DACH2: variants seen among roughly 807,000 people sequenced by gnomAD.
DACH2 encodes the protein dachshund family transcription factor 2.
DACH2 carries 17 observed loss-of-function variants against 35.8 expected under a neutral mutation model. The observed-to-expected ratio is 0.48, with a 90% confidence interval of 0.33 to 0.71. DACH2 has a LOEUF of 0.71. DACH2 is among the 30% of genes least tolerant of loss of function. DACH2 has a pLI of 0.02. For synonymous variants in DACH2, 195 were observed against 177.3 expected, an observed-to-expected ratio of 1.10 and a Z score of -0.79; for missense variants, 469 against 472.7, an observed-to-expected ratio of 0.99 and a Z score of 0.07.
At chrX:86,441,936 T>G (rs1298405493) in intron 2 of DACH2, among the ~76,000 whole-genome samples, 1 of 108,026 alleles carries the variant, frequency 9.3e-6, no homozygotes, top group Non-Finnish European at 1.9e-5. Context: ...AGTCTAGAGT[T>G]CAGTGGTATG....
rs374110143 is a variant in DACH2, at chrX:86,318,969, A to G, written c.489-57855A>G. 2.9e-4 allele frequency among the ~76,000 whole-genome samples: 33 copies of G among 112,322 alleles called. No homozygotes were observed. In the East Asian group the frequency reaches 3.6e-3, roughly 12 times the overall value. ...AAGCATGTTCAAGAGAGGAAGTTAG[A>G]TTTTACCCTTGCATTAATTTGCTAT... is the stretch of plus-strand genomic sequence containing the variant. On this transcript the variant is annotated intron_variant, in intron 1 of 11. Coordinates refer to ENST00000373125, the MANE Select transcript of DACH2 (RefSeq NM_053281.3).
chrX:86,825,437 GAAGAAGAAAA>G (rs2042554911), intron 11 of DACH2, among the ~76,000 whole-genome samples: 1 of 110,588 alleles, frequency 9.0e-6, no homozygotes, highest in East Asian at 2.8e-4. Flanking sequence ...AAGGAAAAAA[GAAGAAGAAAA>G]AACATTTTGT....
intron 1 of DACH2, among the ~76,000 whole-genome samples, chrX:86,291,002 A>C (rs1253997516): frequency 9.3e-6 from 1 of 107,206 alleles, no homozygotes; most frequent in Non-Finnish European, 1.9e-5. Flanking sequence ...TGAATCTGTA[A>C]ATTACCTTGG....
At chrX:86,158,160 A>G (rs1033237355) in intron 1 of DACH2, among the ~76,000 whole-genome samples, 19 of 111,831 alleles carry the variant, frequency 1.7e-4, no homozygotes, top group Admixed American at 4.8e-4. Context: ...TGCTCTATAT[A>G]ACACTACTGA....
intron 1 of DACH2, among the ~76,000 whole-genome samples, chrX:86,216,730 T>C (rs1406195126): frequency 1.8e-5 from 2 of 110,617 alleles, no homozygotes; most frequent in East Asian, 5.7e-4. Context: ...TAGGAGGGAT[T>C]TGGAAAAAAT....
chrX:86,611,909 C>A (rs961218713), intron 3 of DACH2, among the ~76,000 whole-genome samples: 5 of 109,475 alleles, frequency 4.6e-5, no homozygotes, highest in Admixed American at 9.8e-5. Context: ...ATTTTTGGTT[C>A]TTATTAATGT....
At chrX:86,519,413 A>C (rs888243974) in intron 3 of DACH2, among the ~76,000 whole-genome samples, 29 of 112,016 alleles carry the variant, frequency 2.6e-4, no homozygotes, top group African/African-American at 9.4e-4. Context: ...GCCTCATAGA[A>C]TGAGTTAGGG....
intron 4 of DACH2, among the ~76,000 whole-genome samples, chrX:86,687,050 G>A (rs2040952568): frequency 8.9e-6 from 1 of 112,119 alleles, no homozygotes; most frequent in African/African-American, 3.2e-5. Flanking sequence ...ATTTGAGTAA[G>A]CCTGTGGTGA....
At chrX:86,697,299 G>T (rs2041078544) in intron 5 of DACH2, among the ~76,000 whole-genome samples, 1 of 111,386 alleles carries the variant, frequency 9.0e-6, no homozygotes, top group African/African-American at 3.3e-5. Flanking sequence ...TCTCTAGGGA[G>T]AAGCAAAAAC....
rs749248017 is a variant in DACH2, at chrX:86,471,520, C to A, written c.528-42759C>A. 1.3e-3 allele frequency among the ~76,000 whole-genome samples: 141 copies of A among 111,116 alleles called. 1 individual carries two copies. Among genetic ancestry groups the A allele is most frequent in the South Asian group, 3.8e-4 (1 of 2,653 alleles). On this transcript the variant is annotated intron_variant, in intron 2 of 11. Coordinates refer to ENST00000373125, the MANE Select transcript of DACH2 (RefSeq NM_053281.3). ...CTGCAGGAAGCATAAGATATGAAGA[C>A]CTGTTTACTAATAATTCAGTAAGAC...
At chrX:86,594,978 G>A (rs1007809824) in intron 3 of DACH2, among the ~76,000 whole-genome samples, 1 of 111,278 alleles carries the variant, frequency 9.0e-6, no homozygotes, top group Non-Finnish European at 1.9e-5. Flanking sequence ...TTCACCTTCA[G>A]AATTGTTATG....
At chrX:86,407,539 A>G (rs1047854711) in intron 2 of DACH2, among the ~76,000 whole-genome samples, 1 of 112,383 alleles carries the variant, frequency 8.9e-6, no homozygotes, top group Non-Finnish European at 1.9e-5. Flanking sequence ...CCATGAACAA[A>G]GAAATGGCAT....
At chrX:86,512,454 T>G (rs1306706179) in intron 2 of DACH2, among the ~76,000 whole-genome samples, 1 of 111,717 alleles carries the variant, frequency 9.0e-6, no homozygotes, top group Non-Finnish European at 1.9e-5. Context: ...TTAAACCTTA[T>G]GGCTTTCAAA....
chrX:86,362,368 A>G (rs2148083343), intron 1 of DACH2, among the ~76,000 whole-genome samples: 1 of 111,469 alleles, frequency 9.0e-6, no homozygotes, highest in African/African-American at 3.2e-5. Context: ...AACTGAGCTG[A>G]CGGAAAAAGC....
At chrX:86,293,385 A>T (rs1281747432) in intron 1 of DACH2, among the ~76,000 whole-genome samples, 2 of 108,871 alleles carry the variant, frequency 1.8e-5, no homozygotes, top group Non-Finnish European at 3.8e-5. Flanking sequence ...CCAATTTGCC[A>T]GTCAATGCCT....
chrX:86,244,076 C>G (rs975787648), intron 1 of DACH2, among the ~76,000 whole-genome samples: 4 of 111,717 alleles, frequency 3.6e-5, no homozygotes, highest in African/African-American at 1.3e-4. Context: ...TATGTTTGGC[C>G]TACTGTAATA....
At chrX:86,478,162 ATTC>A (rs1307498381) in intron 2 of DACH2, among the ~76,000 whole-genome samples, 1 of 111,611 alleles carries the variant, frequency 9.0e-6, no homozygotes, top group Non-Finnish European at 1.9e-5. Context: ...TTTGTATAAT[ATTC>A]TGTATTTTTC....
intron 2 of DACH2, among the ~76,000 whole-genome samples, chrX:86,418,025 G>A (rs904841594): frequency 1.8e-5 from 2 of 111,525 alleles, no homozygotes; most frequent in African/African-American, 3.3e-5. Flanking sequence ...ACATCTAGCA[G>A]GGCAGTCAAA....
intron 1 of DACH2, among the ~76,000 whole-genome samples, chrX:86,237,051 T>G (rs181080942): frequency 6.5e-4 from 73 of 112,398 alleles, no homozygotes; most frequent in African/African-American, 2.3e-3. Flanking sequence ...TTCCTATTAA[T>G]TTTTTAAAAC....
Sources: gnomAD v4.1 joint callset for allele counts (sites outside exome capture counted in the v4.1 genomes callset) on GRCh38, gnomAD v4.1.1 for gene constraint, MANE v1.5 for transcripts, NCBI Gene and HGNC (gene_info 2026-07-23, HGNC 2026-07-21) for gene names.